The following NEK9 variants were observed in gnomAD, a reference collection of about 807,000 sequenced individuals.
NEK9 encodes NIMA related kinase 9, also known as serine/threonine-protein kinase Nek9.
Under a neutral mutation model 123.4 loss-of-function variants are expected in NEK9, and 75 were observed. The observed-to-expected ratio is 0.61, with a 90% CI of 0.50 to 0.74. The LOEUF is 0.74. Among genes scored for constraint, NEK9 ranks in the 30% least tolerant of loss-of-function variants. The pLI is 0.00. For missense variants in NEK9, 952 were observed against 1,214.4 expected, an observed-to-expected ratio of 0.78 and a Z score of 3.21; for synonymous variants, 438 against 458.7, an observed-to-expected ratio of 0.95 and a Z score of 0.58.
Position 75,121,158 on chromosome 14 carries a change from G to A in NEK9, c.414C>T (p.Asp138=), listed in dbSNP as rs1566660514. 6.2e-7 allele frequency: 1 copy of A among 1,613,374 alleles called. No homozygotes were observed. Among genetic ancestry groups the A allele is most frequent in the Non-Finnish European group, 8.5e-7 (1 of 1,179,354 alleles). The change falls in exon 3 of 22, where the codon GAC becomes GAT. Residue 138 remains aspartate (D), a synonymous_variant. Transcript: ENST00000238616. ...ACTTGTCCTTCTGACGAAGGATTTT[G>A]TCATACAGGTTCCCTCCTGCAATTA... is the stretch of plus-strand genomic sequence containing the variant. ...LEYCNGGNLY[D]KILRQKDKLF... is the part of the protein sequence containing the mutation.
Position 75,088,495 on chromosome 14 carries a change from G to A in NEK9, c.2589C>T (p.Pro863=), listed in dbSNP as rs779292234. Residue 863 remains proline, a synonymous_variant, in exon 20 of 22, where the codon CCC becomes CCT. Coordinates refer to ENST00000238616, the MANE Select transcript of NEK9 (RefSeq NM_033116.6). ...GCTCAGTTACCGAGGCTTCTACTTG[G>A]GGTTTGTGTTCCAAAGGAGCTTCAG... The part of the protein sequence containing the change: ...VASEAPLEHK[P]QVEASSPRLN... The A allele has an allele frequency of 1.8e-5, 29 of 1,613,664 alleles. No homozygotes were observed. In the South Asian group the frequency reaches 3.0e-4, roughly 17 times the overall value.
At position 75,107,411 on chromosome 14, in the gene NEK9, A is replaced by G. The variant is rs1290160890; in HGVS notation, c.1259T>C (p.Val420Ala). Residue 420 changes from valine to alanine, a missense_variant, in exon 11 of 22, where the codon GTG becomes GCG. Transcript: ENST00000238616. ...DKASYRQPKH[V>A]EKLQGKAIRQ... Reference sequence around the variant, plus strand: ...GATAGCTTTGCCTTGCAACTTTTCCACATGCTTTGGCTGTCGATAGGAGGC... The same window carrying G: ...GATAGCTTTGCCTTGCAACTTTTCCGCATGCTTTGGCTGTCGATAGGAGGC... 1.9e-6 allele frequency: 3 copies of G among 1,613,858 alleles called. No individual in the cohort carries two copies. The highest frequency in any genetic ancestry group is 2.5e-6 in the Non-Finnish European group (3 of 1,179,958).
At chr14:75,086,780 C>T in intron 21 of NEK9, 1 of 443,666 alleles carries the variant, frequency 2.3e-6, no homozygotes, top group South Asian at 2.1e-5. Flanking sequence ...GTGGTGCACA[C>T]CTGTAGTCCC....
rs1255826308 is a variant in NEK9, at chr14:75,100,975, G to C, written c.2002+17C>G. 1.9e-6 allele frequency: 3 copies of C among 1,611,258 alleles called. No homozygotes were observed. The highest frequency in any genetic ancestry group is 2.5e-6 in the Non-Finnish European group (3 of 1,178,736). On this transcript the variant is annotated intron_variant, in intron 16 of 21. Coordinates refer to ENST00000238616, the MANE Select transcript of NEK9 (RefSeq NM_033116.6). ...GCCATGTGTCCAGAAAGCTTGAAAT[G>C]ATATGTACAGACTCACCATCAGTGG... is the stretch of plus-strand genomic sequence containing the variant.
intron 7 of NEK9, among the ~76,000 whole-genome samples, chr14:75,113,797 G>C (rs1485266802): frequency 1.3e-5 from 2 of 152,242 alleles, no homozygotes; most frequent in Admixed American, 1.3e-4. Context: ...TCTGACTCCA[G>C]TGTTTCATGA....
chr14:75,124,225 TA>T lies in NEK9; in HGVS notation c.220-3del. ...CTTCCACACAACCAGTGAGTCATCC[TA>T]AACACAGTAACAGAGGTATCGTGCT... On this transcript the variant is annotated splice_region_variant and splice_polypyrimidine_tract_variant and intron_variant, in intron 1 of 21. Coordinates refer to ENST00000238616, the MANE Select transcript of NEK9 (RefSeq NM_033116.6). 1.2e-6 allele frequency: 2 copies of T among 1,613,158 alleles called. No homozygotes were observed. The highest frequency in any genetic ancestry group is 8.5e-7 in the Non-Finnish European group (1 of 1,179,196).
chr14:75,109,699 G>A lies in NEK9; in HGVS notation c.1168C>T (p.Leu390=), dbSNP rs755333344. The part of the protein sequence containing the change: ...HFAVVTVEKE[L]YTWVNMQGGT... ...CGTTCACTTACCACCCAAGTGTACA[G>A]TTCCTTCTCCACTGTGACCACAGCA... Residue 390 remains leucine (L), a synonymous_variant, in exon 10 of 22, where the codon CTG becomes TTG. Transcript: ENST00000238616. 1.2e-5 allele frequency: 20 copies of A among 1,613,600 alleles called. No individual in the cohort carries two copies. The highest frequency in any genetic ancestry group is 1.4e-5 in the Non-Finnish European group (16 of 1,179,862).
At position 75,114,223 on chromosome 14, in the gene NEK9, C is replaced by A. The variant is rs774910036; in HGVS notation, c.853G>T (p.Val285Phe). 7 of 1,613,682 alleles carry A rather than the reference C, an allele frequency of 4.3e-6. No individual in the cohort carries two copies. The highest frequency in any genetic ancestry group is 5.9e-6 in the Non-Finnish European group (7 of 1,179,604). Residue 285 changes from valine (V) to phenylalanine (F), a missense_variant, in exon 7 of 22, where the codon GTT becomes TTT. Around this residue, in one of 4 missense-constraint regions of NEK9, gnomAD observed 698 missense variants for 875.6 expected, o/e 0.80. Transcript: ENST00000238616. ...CCTACCTGGTCAAGGCACGAATGAA[C>A]CATTTGGATCAATTCCAAAGAGTAC... ...SQYSLELIQM[V>F]HSCLDQDPEQ...
chr14:75,114,060 A>G, intron 7 of NEK9, 143 bp downstream of exon 7: 1 of 578,594 alleles, frequency 1.7e-6, no homozygotes, highest in Non-Finnish European at 3.1e-6. Flanking sequence ...AATTACCAAT[A>G]CCTATTCTGG....
At chr14:75,093,924 G>A (rs954714797) in intron 18 of NEK9, among the ~76,000 whole-genome samples, 1 of 152,172 alleles carries the variant, frequency 6.6e-6, no homozygotes, top group Non-Finnish European at 1.5e-5. Flanking sequence ...GCCAGGCACT[G>A]TTCTAGGGAA....
At chr14:75,125,318 C>A (rs1458971815) in intron 1 of NEK9, among the ~76,000 whole-genome samples, 1 of 152,120 alleles carries the variant, frequency 6.6e-6, no homozygotes, top group Non-Finnish European at 1.5e-5. Flanking sequence ...AACTTATTTT[C>A]CTACTGAAAT....
chr14:75,126,346 A>G (rs1405669877), intron 1 of NEK9, among the ~76,000 whole-genome samples: 1 of 152,102 alleles, frequency 6.6e-6, no homozygotes, highest in East Asian at 1.9e-4. Flanking sequence ...AATACCTCAC[A>G]TTCGTATACC....
chr14:75,109,993 C>A, intron 9 of NEK9, 116 bp from the exon 10 acceptor site: 1 of 1,054,510 alleles, frequency 9.5e-7, no homozygotes, highest in Non-Finnish European at 1.4e-6. Flanking sequence ...AAAGTATGTT[C>A]TTTCTCGACA....
At chr14:75,112,508 C>T (rs1237455156) in intron 8 of NEK9, among the ~76,000 whole-genome samples, 1 of 152,068 alleles carries the variant, frequency 6.6e-6, no homozygotes, top group Non-Finnish European at 1.5e-5. Flanking sequence ...TCCAACCTAC[C>T]ACCTAAACAA....
intron 6 of NEK9, among the ~76,000 whole-genome samples, 177 bp downstream of exon 6, chr14:75,117,018 T>C (rs1294476500): frequency 6.6e-6 from 1 of 152,184 alleles, no homozygotes; most frequent in Non-Finnish European, 1.5e-5. Flanking sequence ...ATTACAGGCG[T>C]GAGCCACTGC....
At chr14:75,106,734 A>C in intron 11 of NEK9, 32 bp from the exon 12 acceptor site, 1 of 1,565,532 alleles carries the variant, frequency 6.4e-7, no homozygotes, top group Non-Finnish European at 8.7e-7. Context: ...AATCCATCAA[A>C]GGACTGACTT....
Position 75,100,596 on chromosome 14 carries a change from AG to A in NEK9, c.2002+395del, listed in dbSNP as rs200322723. On this transcript the variant is annotated intron_variant, in intron 16 of 21. Transcript: ENST00000238616. Reference sequence around the variant, plus strand: ...GTCCCTATGGACATCACTGCAGTACAGGTGACCCCAGCCAACAGAGAAAATA... The same window carrying A: ...GTCCCTATGGACATCACTGCAGTACAGTGACCCCAGCCAACAGAGAAAATA... Among the ~76,000 whole-genome samples the A allele has an allele frequency of 7.2e-3, 1,091 of 152,364 alleles. 15 individuals carry two copies. The highest frequency in any genetic ancestry group is 0.024 in the African/African-American group (1,014 of 41,582).
rs781264240 is a variant in NEK9 at position 75,101,060 on chromosome 14, C to T, written c.1934G>A (p.Gly645Glu). The T allele has an allele frequency of 6.2e-7, 1 of 1,614,184 alleles. No individual in the cohort carries two copies. Among genetic ancestry groups the T allele is most frequent in the East Asian group, 2.2e-5 (1 of 44,888 alleles). ...GATCACTTGCTTCCCACCAAGGGGT[C>T]CCCCCAACAGGTTGATTCCCAGACG... ...KKRLGINLLG[G>E]PLGGKQVIRV... The change falls in exon 16 of 22, where the codon GGA becomes GAA. Residue 645 changes from glycine to glutamate, a missense_variant. Gly to Glu is a moderately conservative substitution (Grantham distance 98). Transcript: ENST00000238616.
intron 15 of NEK9, 142 bp from the exon 16 acceptor site, chr14:75,101,295 G>GACAAAT: frequency 1.2e-6 from 1 of 862,744 alleles, no homozygotes; most frequent in Non-Finnish European, 1.7e-6. Context: ...CTGGACCTAG[G>GACAAAT]ACAAATACAG....
Sources: gnomAD v4.1 joint callset for allele counts (sites outside exome capture counted in the v4.1 genomes callset) on GRCh38, gnomAD v4.1.1 for gene constraint, gnomAD v4.1.1 regional missense constraint, MANE v1.5 for transcripts, NCBI Gene and HGNC (gene_info 2026-07-23, HGNC 2026-07-21) for gene names.